The following DPP6 variants were observed in gnomAD, a reference collection of about 807,000 sequenced individuals.
DPP6 encodes A-type potassium channel modulatory protein DPP6.
DPP6 carries 69 observed loss-of-function variants against 122.6 expected under a neutral mutation model. That is an observed-to-expected ratio of 0.56 (90% CI 0.46 to 0.69). The LOEUF (loss-of-function observed/expected upper bound fraction) is 0.69, where lower values mean the gene tolerates loss of function less well. DPP6 is among the 30% of genes least tolerant of loss of function. DPP6 has a pLI of 0.00. For synonymous variants in DPP6, 418 were observed against 433.1 expected, an observed-to-expected ratio of 0.97 and a Z score of 0.43; for missense variants, 928 against 1,116.9, an observed-to-expected ratio of 0.83 and a Z score of 2.41.
At chr7:154,133,262 G>T (rs1358252068) in intron 1 of DPP6, among the ~76,000 whole-genome samples, 1 of 152,172 alleles carries the variant, frequency 6.6e-6, no homozygotes, top group East Asian at 1.9e-4. Flanking sequence ...CAGCTGCTCC[G>T]TGTCACCCTT....
intron 1 of DPP6, among the ~76,000 whole-genome samples, chr7:154,082,149 T>C (rs1046809528): frequency 1.3e-5 from 2 of 152,094 alleles, no homozygotes; most frequent in Non-Finnish European, 2.9e-5. Context: ...TTGGAGCCAG[T>C]CCCCCTAGAG....
intron 1 of DPP6, among the ~76,000 whole-genome samples, chr7:154,313,751 A>ACACAGACACC: frequency 2.2e-5 from 1 of 45,282 alleles, no homozygotes; most frequent in South Asian, 1.1e-3. Flanking sequence ...ACACACACAC[A>ACACAGACACC]CCCTTACATA....
intron 1 of DPP6, among the ~76,000 whole-genome samples, chr7:154,032,095 C>G (rs183800181): frequency 0.015 from 2,222 of 150,690 alleles, 53 homozygotes; most frequent in African/African-American, 0.051. Flanking sequence ...TGGATGGTCT[C>G]GATCTCCTGA....
At chr7:154,861,244 A>AAGAT (rs2150600090) in intron 17 of DPP6, among the ~76,000 whole-genome samples, 1 of 152,320 alleles carries the variant, frequency 6.6e-6, no homozygotes, top group South Asian at 2.1e-4. Flanking sequence ...ATGAATCCCT[A>AAGAT]AGATAATTTT....
chr7:154,194,202 C>T lies in DPP6; in HGVS notation c.243+141139C>T, dbSNP rs115104315. ...TGGTATAGCTTGAAAAAGCAACACA[C>T]TTCCTATGGTAAGGGCAGCTTATGG... On this transcript the variant is annotated intron_variant, in intron 1 of 25. Transcript: ENST00000377770. Among the ~76,000 whole-genome samples the T allele has an allele frequency of 3.3e-3, 502 of 152,272 alleles. 7 individuals carry two copies. The highest frequency in any genetic ancestry group is 0.012 in the African/African-American group (490 of 41,560).
At chr7:154,672,237 A>G (rs1270361126) in intron 7 of DPP6, among the ~76,000 whole-genome samples, 2 of 152,166 alleles carry the variant, frequency 1.3e-5, no homozygotes. Flanking sequence ...AGGCCTCCCC[A>G]GCAATGCAGA....
At chr7:154,014,265 A>T (rs1290936534) in intron 1 of DPP6, among the ~76,000 whole-genome samples, 1 of 145,132 alleles carries the variant, frequency 6.9e-6, no homozygotes, top group Non-Finnish European at 1.5e-5. Context: ...ATGCCTCCCC[A>T]CCTCCACCCC....
intron 7 of DPP6, among the ~76,000 whole-genome samples, chr7:154,717,401 C>G (rs188877743): frequency 6.6e-6 from 1 of 152,014 alleles, no homozygotes; most frequent in South Asian, 2.1e-4. Flanking sequence ...CACACACACA[C>G]GCACCCTTCC....
At chr7:154,771,182 C>T (rs1233103003) in intron 9 of DPP6, among the ~76,000 whole-genome samples, 1 of 152,220 alleles carries the variant, frequency 6.6e-6, no homozygotes, top group Non-Finnish European at 1.5e-5. Flanking sequence ...ATATATGAGG[C>T]CAGTGAGGTT....
intron 1 of DPP6, among the ~76,000 whole-genome samples, chr7:154,111,400 A>T (rs1268151898): frequency 6.6e-6 from 1 of 152,190 alleles, no homozygotes; most frequent in Admixed American, 6.5e-5. Context: ...GTTTTGAGAA[A>T]CAAATGAGAA....
the DPP6 span, among the ~76,000 whole-genome samples, chr7:153,823,663 G>C: frequency 1.3e-5 from 2 of 150,964 alleles, no homozygotes; most frequent in African/African-American, 4.9e-5. Flanking sequence ...GAGGACTCAG[G>C]GTGTGAGGGG....
At chr7:153,988,572 C>T (rs1796962938) in intron 1 of DPP6, among the ~76,000 whole-genome samples, 2 of 152,190 alleles carry the variant, frequency 1.3e-5, no homozygotes, top group Non-Finnish European at 2.9e-5. Context: ...AGGAAGGAGG[C>T]CGTTCCCAGC....
At chr7:154,406,475 G>T (rs547025801) in intron 1 of DPP6, among the ~76,000 whole-genome samples, 2 of 147,150 alleles carry the variant, frequency 1.4e-5, no homozygotes, top group Non-Finnish European at 3.0e-5. Context: ...ACACGCACAC[G>T]CATACACACA....
At chr7:153,890,019 G>T (rs1799119072) in intron 1 of DPP6, among the ~76,000 whole-genome samples, 1 of 152,180 alleles carries the variant, frequency 6.6e-6, no homozygotes, top group Admixed American at 6.5e-5. Flanking sequence ...GCTAATCACA[G>T]CCTCTCTTGG....
intron 1 of DPP6, among the ~76,000 whole-genome samples, chr7:154,210,957 A>G (rs915784068): frequency 2.0e-5 from 3 of 152,204 alleles, no homozygotes; most frequent in African/African-American, 7.2e-5. Flanking sequence ...GTATATTCTC[A>G]TTTCATAGAA....
intron 1 of DPP6, among the ~76,000 whole-genome samples, chr7:154,090,446 C>T (rs1393598495): frequency 1.3e-5 from 2 of 152,124 alleles, no homozygotes; most frequent in African/African-American, 4.8e-5. Context: ...GTGGATATGC[C>T]TATTGAGAAG....
At chr7:154,605,785 G>T (rs1380817046) in intron 5 of DPP6, among the ~76,000 whole-genome samples, 1 of 118,084 alleles carries the variant, frequency 8.5e-6, no homozygotes, top group African/African-American at 2.7e-5. Context: ...ATAAAATATG[G>T]CACATTTATT....
the DPP6 span, among the ~76,000 whole-genome samples, chr7:153,802,868 A>G: frequency 2.6e-5 from 4 of 152,252 alleles, no homozygotes; most frequent in African/African-American, 9.6e-5. Flanking sequence ...ACCACTTTTC[A>G]TCACTGTGGT....
intron 1 of DPP6, among the ~76,000 whole-genome samples, chr7:153,918,577 T>A (rs1339988296): frequency 0.07 from 2,949 of 42,226 alleles, 45 homozygotes; most frequent in East Asian, 0.13. Flanking sequence ...TCTCTCTCTC[T>A]CTCTCTCTCT....
Sources: gnomAD v4.1 joint callset for allele counts (sites outside exome capture counted in the v4.1 genomes callset) on GRCh38, gnomAD v4.1.1 for gene constraint, MANE v1.5 for transcripts, NCBI Gene and HGNC (gene_info 2026-07-23, HGNC 2026-07-21) for gene names.